Variants in SKIC3 observed in about 807,000 individuals in gnomAD.
SKIC3 encodes SKI3 subunit of superkiller complex, also known as superkiller complex protein 3.
chr5:95,485,915 G>A, the SKIC3 span, among the ~76,000 whole-genome samples: 479 of 152,284 alleles, frequency 3.1e-3, 1 homozygote, highest in Middle Eastern at 0.054. Context: ...GAGGTCGTCT[G>A]CTCGGCTGGG....
At chr5:95,512,460 T>C in the SKIC3 span, 8 of 1,611,704 alleles carry the variant, frequency 5.0e-6, no homozygotes, top group East Asian at 4.5e-5. Context: ...CTTGCTATTA[T>C]ATAACAGGTA....
the SKIC3 span, among the ~76,000 whole-genome samples, chr5:95,489,156 T>C: frequency 1.3e-5 from 2 of 151,472 alleles, no homozygotes; most frequent in African/African-American, 2.4e-5. Flanking sequence ...ATTTCTAAAA[T>C]AAAAAAATTA....
At chr5:95,518,304 TTG>T in the SKIC3 span, among the ~76,000 whole-genome samples, 1 of 152,098 alleles carries the variant, frequency 6.6e-6, no homozygotes, top group Non-Finnish European at 1.5e-5. Context: ...TATAATTTCT[TTG>T]TGTTAGGAAT....
the SKIC3 span, among the ~76,000 whole-genome samples, chr5:95,529,721 G>A: frequency 2.0e-5 from 3 of 152,054 alleles, no homozygotes; most frequent in African/African-American, 4.8e-5. Context: ...GTAAGACTAA[G>A]TTAAAGCCTA....
At chr5:95,549,102 T>C in the SKIC3 span, among the ~76,000 whole-genome samples, 5 of 151,906 alleles carry the variant, frequency 3.3e-5, no homozygotes, top group East Asian at 1.9e-4. Context: ...GGAAGTGCAA[T>C]AGGAATTTAG....
the SKIC3 span, among the ~76,000 whole-genome samples, chr5:95,535,449 T>C: frequency 6.6e-6 from 1 of 151,940 alleles, no homozygotes; most frequent in African/African-American, 2.4e-5. Context: ...TAGCTGGGAT[T>C]ACAGGCGCCC....
At chr5:95,551,377 G>A in the SKIC3 span, among the ~76,000 whole-genome samples, 4 of 152,108 alleles carry the variant, frequency 2.6e-5, no homozygotes, top group East Asian at 7.7e-4. Context: ...CAATGTTTAG[G>A]TGAGGCAGGT....
chr5:95,511,633 T>C, the SKIC3 span, among the ~76,000 whole-genome samples: 3 of 152,212 alleles, frequency 2.0e-5, no homozygotes, highest in South Asian at 6.2e-4. Context: ...CTTTATATTA[T>C]TTGACTGCCA....
At chr5:95,508,620 A>T in the SKIC3 span, among the ~76,000 whole-genome samples, 1 of 152,124 alleles carries the variant, frequency 6.6e-6, no homozygotes. Context: ...CTGAAATGTC[A>T]CTTCCTGCCC....
the SKIC3 span, among the ~76,000 whole-genome samples, chr5:95,502,288 C>T: frequency 6.6e-6 from 1 of 152,128 alleles, no homozygotes. Flanking sequence ...AAAACACTCA[C>T]TGAGGCCACT....
the SKIC3 span, among the ~76,000 whole-genome samples, chr5:95,541,617 G>T: frequency 4.8e-4 from 72 of 150,566 alleles, no homozygotes; most frequent in African/African-American, 1.7e-3. Flanking sequence ...TAATGTCAAA[G>T]TTCCAAAATT....
chr5:95,492,565 A>C, the SKIC3 span, among the ~76,000 whole-genome samples: 1 of 122,512 alleles, frequency 8.2e-6, no homozygotes, highest in Non-Finnish European at 1.7e-5. Flanking sequence ...TGAACCCGGG[A>C]GGCGGAGCTT....
chr5:95,531,073 A>G, the SKIC3 span, among the ~76,000 whole-genome samples: 2 of 152,132 alleles, frequency 1.3e-5, no homozygotes, highest in Non-Finnish European at 2.9e-5. Context: ...TCCTGAAAAA[A>G]AAAGACCCGA....
At chr5:95,492,717 AG>A in the SKIC3 span, among the ~76,000 whole-genome samples, 5 of 131,430 alleles carry the variant, frequency 3.8e-5, no homozygotes, top group East Asian at 1.1e-3. Flanking sequence ...ATAACAGCTG[AG>A]GTGCCATAGG....
chr5:95,541,876 G>A, the SKIC3 span: 1 of 1,612,682 alleles, frequency 6.2e-7, no homozygotes, highest in Non-Finnish European at 8.5e-7. Flanking sequence ...GCATTTATGT[G>A]ATTATATTTC....
chr5:95,529,080 G>A, the SKIC3 span: 1 of 1,613,560 alleles, frequency 6.2e-7, no homozygotes, highest in African/African-American at 1.3e-5. Flanking sequence ...ATCCACTTGT[G>A]CAGACAGGGC....
chr5:95,533,112 G>A, the SKIC3 span, among the ~76,000 whole-genome samples: 1 of 151,696 alleles, frequency 6.6e-6, no homozygotes, highest in Non-Finnish European at 1.5e-5. Context: ...CCCCATTTCA[G>A]TAACAAAGCA....
the SKIC3 span, among the ~76,000 whole-genome samples, chr5:95,505,212 G>A: frequency 6.6e-6 from 1 of 152,192 alleles, no homozygotes; most frequent in Non-Finnish European, 1.5e-5. Flanking sequence ...TATTTTTAAT[G>A]TGTTGTGGAA....
At chr5:95,523,261 G>A in the SKIC3 span, 2 of 1,613,778 alleles carry the variant, frequency 1.2e-6, no homozygotes, top group African/African-American at 1.3e-5. Flanking sequence ...GCCTAAGCCA[G>A]GCCCATTTTG....
Sources: gnomAD v4.1 joint callset for allele counts (sites outside exome capture counted in the v4.1 genomes callset) on GRCh38, gnomAD v4.1.1 for gene constraint, MANE v1.5 for transcripts, NCBI Gene and HGNC (gene_info 2026-07-23, HGNC 2026-07-21) for gene names.